AFF2: variants seen among roughly 807,000 people sequenced by gnomAD.
AFF2 encodes ALF transcription elongation factor 2, also known as AF4/FMR2 family member 2.
AFF2 carries 14 observed loss-of-function variants against 76.9 expected under a neutral mutation model. That is an observed-to-expected ratio of 0.18 (90% CI 0.12 to 0.28). The LOEUF (loss-of-function observed/expected upper bound fraction) is 0.28. Ranked by LOEUF, AFF2 falls within the 10% of genes least tolerant of loss-of-function variation. The probability of loss-of-function intolerance (pLI) is 1.00; values close to 1 mark genes in which losing one functional copy is unlikely to be tolerated. For missense variants in AFF2, 868 were observed against 1,001.1 expected (o/e 0.87, Z 1.79); for synonymous variants, 398 against 366.7 (o/e 1.09, Z -0.98).
chrX:148,723,625 A>G (rs1444521205), intron 3 of AFF2, among the ~76,000 whole-genome samples: 1 of 112,257 alleles, frequency 8.9e-6, no homozygotes, highest in African/African-American at 3.2e-5. Context: ...AAGCAAATCA[A>G]TGCAAGTTAA....
At chrX:148,741,660 C>A (rs1188522183) in intron 3 of AFF2, among the ~76,000 whole-genome samples, 2 of 110,968 alleles carry the variant, frequency 1.8e-5, no homozygotes, top group Non-Finnish European at 3.8e-5. Flanking sequence ...GGCCAGGAGG[C>A]TTCTCACCCC....
At chrX:148,981,304 CAG>C (rs1391945615) in intron 19 of AFF2, among the ~76,000 whole-genome samples, 1 of 111,154 alleles carries the variant, frequency 9.0e-6, no homozygotes, top group Non-Finnish European at 1.9e-5. Context: ...ATTGGAGGCT[CAG>C]GGAACTCACC....
intron 1 of AFF2, among the ~76,000 whole-genome samples, chrX:148,566,742 C>A (rs1426417360): frequency 9.0e-6 from 1 of 111,067 alleles, no homozygotes; most frequent in Non-Finnish European, 1.9e-5. Flanking sequence ...ATAGCTGAAC[C>A]GTTCACCTCT....
At chrX:148,694,175 C>G (rs1465080405) in intron 3 of AFF2, among the ~76,000 whole-genome samples, 29 of 72,819 alleles carry the variant, frequency 4.0e-4, no homozygotes, top group East Asian at 1.6e-3. Flanking sequence ...GTTGTGGGGT[C>G]GGGGGGGGGG....
At chrX:148,868,804 G>A in intron 7 of AFF2, among the ~76,000 whole-genome samples, 1 of 112,278 alleles carries the variant, frequency 8.9e-6, no homozygotes, top group Middle Eastern at 4.6e-3. Flanking sequence ...TTCCCTAGGA[G>A]GGATGAATGC....
At position 148,581,046 on chromosome X, in the gene AFF2, TAC is replaced by T. The variant is rs1229386885; in HGVS notation, c.48-70949_48-70948del. On this transcript the variant is annotated intron_variant, in intron 1 of 20. Coordinates refer to ENST00000370460, the MANE Select transcript of AFF2 (RefSeq NM_002025.4). Reference sequence around the variant, plus strand: ...ATATGTGTATATATACACACATATATACACATATGTGTATATGTATATATACA... The same window carrying T: ...ATATGTGTATATATACACACATATATACATATGTGTATATGTATATATACA... Among the ~76,000 whole-genome samples, 15 of 96,504 alleles carry T rather than the reference TAC, an allele frequency of 1.6e-4. 1 individual carries two copies. The highest frequency in any genetic ancestry group is 4.9e-4 in the African/African-American group (13 of 26,591). 83.8% of individuals were successfully genotyped at this position (96,504 alleles called of 115,157 possible).
intron 9 of AFF2, among the ~76,000 whole-genome samples, chrX:148,925,973 G>T (rs781958237): frequency 8.9e-6 from 1 of 111,924 alleles, no homozygotes; most frequent in Non-Finnish European, 1.9e-5. Flanking sequence ...TTTCTAAAAT[G>T]AAATAATGCT....
chrX:148,731,315 A>T (rs1182663904), intron 3 of AFF2, among the ~76,000 whole-genome samples: 1 of 111,682 alleles, frequency 9.0e-6, no homozygotes, highest in Non-Finnish European at 1.9e-5. Context: ...CTTTCATAGG[A>T]ATGGGAAGAT....
At chrX:148,695,906 G>A (rs2054717000) in intron 3 of AFF2, among the ~76,000 whole-genome samples, 1 of 112,250 alleles carries the variant, frequency 8.9e-6, no homozygotes, top group African/African-American at 3.2e-5. Context: ...GCACTCAAAT[G>A]TAAGTATGAC....
chrX:148,700,419 A>AGTGTGTGT (rs368077947), intron 3 of AFF2, among the ~76,000 whole-genome samples: 1,730 of 82,457 alleles, frequency 0.021, 46 homozygotes, highest in Admixed American at 0.086. Flanking sequence ...GTACTGTTGA[A>AGTGTGTGT]GTGTGTGTGT....
chrX:148,831,993 T>C (rs1428007795), intron 4 of AFF2, among the ~76,000 whole-genome samples: 2 of 112,528 alleles, frequency 1.8e-5, no homozygotes, highest in African/African-American at 6.5e-5. Context: ...AGCAGTCTAA[T>C]AACAAGACCT....
At chrX:148,729,161 C>A (rs1351142132) in intron 3 of AFF2, among the ~76,000 whole-genome samples, 1 of 111,664 alleles carries the variant, frequency 9.0e-6, no homozygotes, top group Non-Finnish European at 1.9e-5. Context: ...GAGACAAGAA[C>A]AGAAATGTAA....
intron 1 of AFF2, among the ~76,000 whole-genome samples, chrX:148,536,921 A>G (rs2052791976): frequency 8.9e-6 from 1 of 112,409 alleles, no homozygotes; most frequent in Non-Finnish European, 1.9e-5. Context: ...ATAGCTTGCA[A>G]CTGAAACTAT....
chrX:148,923,494 A>G (rs1165160900), intron 9 of AFF2, among the ~76,000 whole-genome samples: 1 of 111,352 alleles, frequency 9.0e-6, no homozygotes, highest in Admixed American at 9.6e-5. Flanking sequence ...TAGAGTATAA[A>G]CATTAAACTC....
intron 3 of AFF2, among the ~76,000 whole-genome samples, chrX:148,672,569 A>G (rs1327028967): frequency 1.8e-5 from 2 of 112,161 alleles, no homozygotes; most frequent in Non-Finnish European, 3.8e-5. Flanking sequence ...GTAAAGGGCA[A>G]GAGAATAATG....
chrX:148,625,261 G>T (rs868993274), intron 1 of AFF2, among the ~76,000 whole-genome samples: 2 of 111,268 alleles, frequency 1.8e-5, no homozygotes, highest in African/African-American at 6.5e-5. Flanking sequence ...AGCTGCACAT[G>T]AGCTTCCAGA....
intron 7 of AFF2, among the ~76,000 whole-genome samples, chrX:148,863,329 G>C (rs1448294583): frequency 8.9e-6 from 1 of 111,777 alleles, no homozygotes; most frequent in Non-Finnish European, 1.9e-5. Context: ...TGAGAGGCTG[G>C]TACAAAAGTA....
intron 15 of AFF2, 60 bp downstream of exon 15, chrX:148,967,752 C>T (rs1005076687): frequency 1.2e-5 from 13 of 1,091,982 alleles, no homozygotes; most frequent in Non-Finnish European, 1.6e-5. Flanking sequence ...CAAAGGAAAA[C>T]AAAGAAAGCA....
Position 148,961,267 on chromosome X carries a change from G to A in AFF2, c.2691-1448G>A, listed in dbSNP as rs781937394. 8.9e-5 allele frequency among the ~76,000 whole-genome samples: 10 copies of A among 111,915 alleles called. No homozygotes were observed. In the East Asian group the frequency reaches 1.4e-3, roughly 16 times the overall value. On this transcript the variant is annotated intron_variant, in intron 12 of 20. Coordinates refer to ENST00000370460, the MANE Select transcript of AFF2 (RefSeq NM_002025.4). ...CCACAGCAATGCTTGACATCCACAC[G>A]TATAAATTCCCAAAGGCCTGGTGCC...
Sources: allele counts gnomAD v4.1 joint callset (sites outside exome capture counted in the v4.1 genomes callset), GRCh38; gene constraint gnomAD v4.1.1; transcripts MANE v1.5; gene names NCBI Gene and HGNC (gene_info 2026-07-23, HGNC 2026-07-21).